Variants in ETV1 observed in about 807,000 individuals in gnomAD.
The protein encoded by ETV1 is ETS translocation variant 1.
Under a neutral mutation model 62.3 loss-of-function variants are expected in ETV1, and 27 were observed. The ratio of observed to expected loss-of-function variants is 0.43; its 90% CI spans 0.32 to 0.60. ETV1 has a LOEUF of 0.60. Among genes scored for constraint, ETV1 ranks in the 20% least tolerant of loss-of-function variants. ETV1 has a pLI of 0.06. For missense variants in ETV1, 605 were observed against 605.8 expected, an observed-to-expected ratio of 1.00 and a Z score of 0.01; for synonymous variants, 222 against 199.6, an observed-to-expected ratio of 1.11 and a Z score of -0.94.
intron 3 of ETV1, chr7:13,988,661 T>C (rs1782787203): frequency 6.5e-7 from 1 of 1,528,070 alleles, no homozygotes; most frequent in Non-Finnish European, 8.7e-7. Context: ...AAACAAAAAG[T>C]GTCAGCATTT....
At chr7:13,986,373 T>C in intron 5 of ETV1, 1 of 1,487,700 alleles carries the variant, frequency 6.7e-7, no homozygotes, top group South Asian at 1.4e-5. Flanking sequence ...GAACTTGAAG[T>C]CTTGGTGCAT....
At chr7:13,973,989 G>A (rs1258976589) in intron 6 of ETV1, among the ~76,000 whole-genome samples, 2 of 152,196 alleles carry the variant, frequency 1.3e-5, no homozygotes, top group African/African-American at 4.8e-5. Context: ...CCTATAACAT[G>A]TAAGCCATGC....
At chr7:13,896,194 A>G in intron 13 of ETV1, 107 bp from the exon 14 acceptor site, 1 of 787,642 alleles carries the variant, frequency 1.3e-6, no homozygotes, top group Non-Finnish European at 2.0e-6. Context: ...AAGGATGGGT[A>G]ACTCTGGCCC....
chr7:13,959,638 C>G lies in ETV1; in HGVS notation c.235+17789G>C, dbSNP rs145274158. ...GTGGCTCACACCTGTAATCCCAGCA[C>G]TTTGCAAGGCCGAGGCAGGTGGATC... On this transcript the variant is annotated intron_variant, in intron 6 of 13. Transcript: ENST00000430479. Among the ~76,000 whole-genome samples the G allele has an allele frequency of 2.7e-3, 417 of 152,162 alleles. 12 individuals carry two copies. The East Asian group carries it at 0.055, about 20-fold the overall frequency.
intron 12 of ETV1, 122 bp from the exon 13 acceptor site, chr7:13,900,961 G>GGATATAAGTAAAT: frequency 1.8e-6 from 1 of 564,856 alleles, no homozygotes; most frequent in South Asian, 2.9e-5. Context: ...TATAAGTAAA[G>GGATATAAGTAAAT]TAGCAAGAGC....
At chr7:13,975,702 C>CAA (rs1469027211) in intron 6 of ETV1, among the ~76,000 whole-genome samples, 1 of 144,372 alleles carries the variant, frequency 6.9e-6, no homozygotes, top group Non-Finnish European at 1.5e-5. Context: ...GTGTAAAAAA[C>CAA]AAAAAAAAAT....
At chr7:13,952,599 G>T (rs998469805) in intron 6 of ETV1, among the ~76,000 whole-genome samples, 1 of 152,074 alleles carries the variant, frequency 6.6e-6, no homozygotes, top group African/African-American at 2.4e-5. Context: ...CATGTAATAC[G>T]GTTAACATTT....
upstream of ETV1, chr7:13,991,203 C>T (rs1280526440): frequency 1.3e-5 from 2 of 152,300 alleles, no homozygotes; most frequent in African/African-American, 4.8e-5. Context: ...CGAGGCTGAA[C>T]AGTGAAGCTC....
At chr7:13,926,915 A>T (rs1315738721) in intron 9 of ETV1, among the ~76,000 whole-genome samples, 2 of 152,122 alleles carry the variant, frequency 1.3e-5, no homozygotes, top group Non-Finnish European at 2.9e-5. Context: ...TTTATCTTAA[A>T]TATTAGGCAG....
Position 13,893,129 on chromosome 7 carries a change from A to T in ETV1, c.*2737T>A. ...TGAGTATAAGTGTTTGTTGCAATTA[A>T]TCTATTGGGTATTAACATGTCATCA... On this transcript the variant is annotated 3_prime_UTR_variant, in exon 14 of 14. Transcript: ENST00000430479. 4.3e-6 allele frequency: 1 copy of T among 232,648 alleles called. No individual in the cohort carries two copies. Among genetic ancestry groups the T allele is most frequent in the East Asian group, 6.1e-5 (1 of 16,410 alleles). The allele number at this position is 232,648 out of a possible 1,614,324, so 14.4% of individuals were successfully genotyped here.
chr7:13,904,875 A>C (rs149015305), intron 12 of ETV1, among the ~76,000 whole-genome samples: 131 of 151,148 alleles, frequency 8.7e-4, no homozygotes, highest in African/African-American at 3.0e-3. Context: ...ATCATGTGAG[A>C]GTATCTATGA....
At chr7:13,977,935 C>T (rs757530104) in intron 5 of ETV1, among the ~76,000 whole-genome samples, 1 of 151,970 alleles carries the variant, frequency 6.6e-6, no homozygotes, top group Admixed American at 6.6e-5. Flanking sequence ...TTTTTAGAAA[C>T]GTCTGCTGGT....
At chr7:13,944,770 C>T (rs1335678422) in intron 6 of ETV1, among the ~76,000 whole-genome samples, 1 of 152,126 alleles carries the variant, frequency 6.6e-6, no homozygotes, top group African/African-American at 2.4e-5. Flanking sequence ...GAAATTTCAA[C>T]ACCAGAATCT....
In ETV1 at chr7:13,906,555, A is replaced by T. The variant is rs1405125094; in HGVS notation, c.985T>A (p.Tyr329Asn). The T allele has an allele frequency of 2.5e-6, 4 of 1,612,620 alleles. No homozygotes were observed. In the Admixed American group the frequency reaches 5.0e-5, roughly 20 times the overall value. Reference sequence around the variant, plus strand: ...AGCTGAAGTGATCCTCGCCGTTGGTATGTGGGTCCTTCCCGATACATTCCT... The same window carrying T: ...AGCTGAAGTGATCCTCGCCGTTGGTTTGTGGGTCCTTCCCGATACATTCCT... ...EPGMYREGPTYQRRGSLQLWQ... is the reference protein window; with the variant it reads ...EPGMYREGPTNQRRGSLQLWQ... The change falls in exon 12 of 14, where the codon TAC becomes AAC. Residue 329 changes from tyrosine (Y) to asparagine (N), a missense_variant. Physicochemically the swap from Tyr to Asn is moderately radical, Grantham distance 143 (BLOSUM62 -2). This residue lies in a region of ETV1 where 100 missense variants were observed against 156.4 expected (regional missense o/e 0.64). Transcript: ENST00000430479.
In ETV1 at chr7:13,891,605, A is replaced by G. The variant is rs1781386789; in HGVS notation, c.*4261T>C. On this transcript the variant is annotated 3_prime_UTR_variant, in exon 14 of 14. Coordinates refer to ENST00000430479, the MANE Select transcript of ETV1 (RefSeq NM_004956.5). ...TTTTAAGTATGTCAAAGTGAGTCTC[A>G]TGTATATAAAAAAAGAAGTCCTAAA... 1 of 231,542 alleles carries G rather than the reference A, an allele frequency of 4.3e-6. No individual in the cohort carries two copies. The highest frequency in any genetic ancestry group is 1.3e-3 in the Middle Eastern group (1 of 770). 14.3% of individuals were successfully genotyped at this position (231,542 alleles called of 1,614,324 possible).
At chr7:13,939,473 C>A (rs1172749742) in intron 6 of ETV1, among the ~76,000 whole-genome samples, 1 of 152,170 alleles carries the variant, frequency 6.6e-6, no homozygotes, top group Non-Finnish European at 1.5e-5. Context: ...AATTTTCTCT[C>A]ATTACTTAAG....
At chr7:13,912,995 A>G (rs1224054994) in intron 9 of ETV1, among the ~76,000 whole-genome samples, 1 of 152,236 alleles carries the variant, frequency 6.6e-6, no homozygotes, top group African/African-American at 2.4e-5. Flanking sequence ...CAGAAAAATT[A>G]CTGCTAATTA....
intron 5 of ETV1, among the ~76,000 whole-genome samples, chr7:13,980,063 G>A (rs1450852526): frequency 1.3e-5 from 2 of 152,130 alleles, no homozygotes; most frequent in East Asian, 1.9e-4. Context: ...TCCTATTTCT[G>A]TTCTAACTCC....
intron 6 of ETV1, among the ~76,000 whole-genome samples, chr7:13,955,065 C>G (rs928093171): frequency 6.6e-6 from 1 of 152,190 alleles, no homozygotes; most frequent in Non-Finnish European, 1.5e-5. Context: ...TCAATTGTTA[C>G]AGCTGTTAAT....
Sources: gnomAD v4.1 joint callset for allele counts (sites outside exome capture counted in the v4.1 genomes callset) on GRCh38, gnomAD v4.1.1 for gene constraint, gnomAD v4.1.1 regional missense constraint, MANE v1.5 for transcripts, NCBI Gene and HGNC (gene_info 2026-07-23, HGNC 2026-07-21) for gene names.